Variants in LRCH2 observed in about 807,000 individuals in gnomAD.
The protein encoded by LRCH2 is leucine rich repeats and calponin homology domain containing 2.
A neutral mutation model predicts 68.9 loss-of-function variants in LRCH2; 38 were observed. The ratio of observed to expected loss-of-function variants is 0.55; its 90% confidence interval spans 0.43 to 0.72. The LOEUF is 0.72. Among genes scored for constraint, LRCH2 ranks in the 30% least tolerant of loss-of-function variants. The probability of loss-of-function intolerance (pLI) is 0.00; values close to 1 mark genes in which losing one functional copy is unlikely to be tolerated. For synonymous variants in LRCH2, 191 were observed against 208.1 expected (o/e 0.92, Z 0.71); for missense variants, 528 against 572.9 (o/e 0.92, Z 0.80).
intron 6 of LRCH2, among the ~76,000 whole-genome samples, chrX:115,166,554 T>C (rs138274303): frequency 2.5e-3 from 277 of 111,266 alleles, no homozygotes; most frequent in African/African-American, 8.2e-3. Context: ...GTGTACTCTA[T>C]AGTGTCAATT....
intron 1 of LRCH2, among the ~76,000 whole-genome samples, chrX:115,197,847 T>TCACACA (rs1556564243): frequency 1.2e-3 from 25 of 20,559 alleles, no homozygotes; most frequent in Middle Eastern, 0.034. Context: ...TCTCTCTCTC[T>TCACACA]CACACACACA....
chrX:115,189,896 C>G (rs782376039), intron 1 of LRCH2: 5 of 1,161,766 alleles, frequency 4.3e-6, no homozygotes, highest in Non-Finnish European at 5.7e-6. Context: ...AAGCGCGGGC[C>G]GCCACCGCGG....
chrX:115,167,508 T>A (rs1363898796), intron 6 of LRCH2, among the ~76,000 whole-genome samples: 2 of 110,446 alleles, frequency 1.8e-5, no homozygotes, highest in Non-Finnish European at 3.8e-5. Context: ...AATGTGGCAT[T>A]TGAGCTTAGT....
At chrX:115,146,416 C>A (rs1269954743) in intron 14 of LRCH2, among the ~76,000 whole-genome samples, 3 of 110,498 alleles carry the variant, frequency 2.7e-5, no homozygotes, top group Non-Finnish European at 5.7e-5. Context: ...CTCAAAATAA[C>A]TAAGAGTATA....
At position 115,150,014 on chromosome X, in the gene LRCH2, C is replaced by G; in HGVS notation, c.1578+8G>C. 1 of 1,166,547 alleles carries G rather than the reference C, an allele frequency of 8.6e-7. No homozygotes were observed. On this transcript the variant is annotated splice_region_variant and intron_variant, in intron 13 of 20. Transcript: ENST00000317135. The stretch of plus-strand genomic sequence containing the variant: ...GATAGATATAATTGTAATTTAATTT[C>G]TTCTTACCTGCCAGGTGAGGGGTGA...
intron 20 of LRCH2, among the ~76,000 whole-genome samples, chrX:115,120,496 G>C (rs1433944989): frequency 1.4e-5 from 1 of 73,538 alleles, no homozygotes; most frequent in Non-Finnish European, 2.5e-5. Flanking sequence ...AGTTAGAATG[G>C]CAATCATTAA....
chrX:115,171,331 G>C (rs2072603189), intron 5 of LRCH2, among the ~76,000 whole-genome samples: 1 of 111,221 alleles, frequency 9.0e-6, no homozygotes, highest in Non-Finnish European at 1.9e-5. Context: ...CTTGACCACT[G>C]AAAAATTTCA....
intron 1 of LRCH2, chrX:115,191,706 C>T (rs1556559904): frequency 8.6e-7 from 1 of 1,164,816 alleles, no homozygotes; most frequent in South Asian, 1.9e-5. Context: ...GCAGTGGCCG[C>T]TTGCCTGACG....
At chrX:115,130,529 A>G (rs782470711) in intron 14 of LRCH2, among the ~76,000 whole-genome samples, 1 of 111,067 alleles carries the variant, frequency 9.0e-6, no homozygotes, top group South Asian at 3.8e-4. Flanking sequence ...ATATGTCATC[A>G]AGTCGATTCT....
chrX:115,190,127 G>C, intron 1 of LRCH2: 1 of 1,159,942 alleles, frequency 8.6e-7, no homozygotes. Context: ...CCGGCCGTGT[G>C]GGGGCAAGAT....
intron 5 of LRCH2, among the ~76,000 whole-genome samples, chrX:115,173,143 AAAGTAT>A (rs1455752035): frequency 4.5e-5 from 5 of 111,219 alleles, no homozygotes; most frequent in Non-Finnish European, 9.4e-5. Context: ...GAGCTTTATT[AAAGTAT>A]GAGTTACAAA....
intron 14 of LRCH2, among the ~76,000 whole-genome samples, chrX:115,137,409 C>A (rs1192835111): frequency 1.8e-5 from 2 of 109,108 alleles, no homozygotes; most frequent in Non-Finnish European, 3.8e-5. Flanking sequence ...TAAGAAACAT[C>A]TAGAGTCATT....
intron 14 of LRCH2, among the ~76,000 whole-genome samples, chrX:115,141,763 A>G (rs1556534348): frequency 9.2e-6 from 1 of 108,218 alleles, no homozygotes; most frequent in African/African-American, 3.4e-5. Flanking sequence ...AGTCCCAGCT[A>G]CTCAGGAGGC....
chrX:115,138,764 A>T (rs189828114), intron 14 of LRCH2, among the ~76,000 whole-genome samples: 93 of 112,378 alleles, frequency 8.3e-4, no homozygotes, highest in African/African-American at 2.9e-3. Context: ...AAAGATGCTA[A>T]GTTTGCATTA....
chrX:115,150,107 T>G, intron 12 of LRCH2, 37 bp from the exon 13 acceptor site: 1 of 956,690 alleles, frequency 1.0e-6, no homozygotes, highest in Non-Finnish European at 1.4e-6. Context: ...GTTAAAATAT[T>G]TAGAATAAAT....
At chrX:115,159,052 T>C (rs1556540559) in intron 11 of LRCH2, among the ~76,000 whole-genome samples, 1 of 111,766 alleles carries the variant, frequency 8.9e-6, no homozygotes, top group Non-Finnish European at 1.9e-5. Flanking sequence ...AATATTCTAA[T>C]AGTATCATTT....
At chrX:115,166,553 A>G (rs1008097681) in intron 6 of LRCH2, among the ~76,000 whole-genome samples, 3 of 111,174 alleles carry the variant, frequency 2.7e-5, no homozygotes, top group Admixed American at 9.6e-5. Flanking sequence ...CGTGTACTCT[A>G]TAGTGTCAAT....
chrX:115,114,004 G>T (rs1351624173), intron 20 of LRCH2, among the ~76,000 whole-genome samples: 4 of 110,476 alleles, frequency 3.6e-5, no homozygotes, highest in African/African-American at 1.3e-4. Context: ...CTTCCATACC[G>T]ATGGCTTCCA....
chrX:115,139,107 T>C (rs782528977), intron 14 of LRCH2: 1 of 111,935 alleles, frequency 8.9e-6, no homozygotes, highest in South Asian at 3.7e-4. Flanking sequence ...GTAAACACCA[T>C]TGAATTCGGA....
Sources: gnomAD v4.1 joint callset for allele counts (sites outside exome capture counted in the v4.1 genomes callset) on GRCh38, gnomAD v4.1.1 for gene constraint, MANE v1.5 for transcripts, NCBI Gene and HGNC (gene_info 2026-07-23, HGNC 2026-07-21) for gene names.